The following FSTL4 variants were observed in gnomAD, a reference collection of about 807,000 sequenced individuals.
FSTL4 encodes the protein follistatin-related protein 4.
FSTL4 carries 28 observed loss-of-function variants against 78.2 expected under a neutral mutation model. The observed-to-expected ratio is 0.36, with a 90% CI of 0.27 to 0.49. The LOEUF (loss-of-function observed/expected upper bound fraction) is 0.49. Ranked by LOEUF, FSTL4 falls within the 20% of genes least tolerant of loss-of-function variation. The pLI is 0.98. For synonymous variants in FSTL4, 422 were observed against 440.5 expected (o/e 0.96, Z 0.53); for missense variants, 922 against 1,084.9 (o/e 0.85, Z 2.11).
At chr5:133,398,964 G>C (rs896765098) in intron 4 of FSTL4, among the ~76,000 whole-genome samples, 38 of 152,318 alleles carry the variant, frequency 2.5e-4, no homozygotes, top group African/African-American at 8.7e-4. Flanking sequence ...GCAGAACTGA[G>C]CCCTGATCTG....
At chr5:133,508,910 T>A (rs1399714908) in intron 3 of FSTL4, among the ~76,000 whole-genome samples, 1 of 152,198 alleles carries the variant, frequency 6.6e-6, no homozygotes, top group Non-Finnish European at 1.5e-5. Context: ...ATAAGGTAAG[T>A]GCTGATCTTG....
chr5:133,824,807 T>C, the FSTL4 span, among the ~76,000 whole-genome samples: 134,528 of 152,102 alleles, frequency 0.88, 59,704 homozygotes, highest in Middle Eastern at 0.94. Flanking sequence ...AACCACCACA[T>C]ACCATGTCCA....
chr5:133,210,039 G>A, intron 14 of FSTL4, 152 bp downstream of exon 14: 2 of 557,422 alleles, frequency 3.6e-6, no homozygotes, highest in South Asian at 2.4e-5. Flanking sequence ...GCATTGGCCT[G>A]AGGCTGTTTC....
the FSTL4 span, among the ~76,000 whole-genome samples, chr5:133,698,820 TACA>T: frequency 2.7e-3 from 414 of 152,326 alleles, 1 homozygote; most frequent in Non-Finnish European, 3.4e-3. Context: ...AGCTACAAAA[TACA>T]ACGAGACCTC....
At chr5:133,814,406 G>A in the FSTL4 span, among the ~76,000 whole-genome samples, 1 of 152,182 alleles carries the variant, frequency 6.6e-6, no homozygotes, top group South Asian at 2.1e-4. Flanking sequence ...GCTGGAGGGT[G>A]TTGGTGGATA....
At chr5:133,589,458 G>C (rs1206228032) in intron 2 of FSTL4, among the ~76,000 whole-genome samples, 1 of 152,018 alleles carries the variant, frequency 6.6e-6, no homozygotes, top group African/African-American at 2.4e-5. Context: ...TCCCATGTGA[G>C]GGCAGTAGCT....
chr5:133,294,629 C>T (rs1026367511), intron 6 of FSTL4, among the ~76,000 whole-genome samples: 1 of 152,200 alleles, frequency 6.6e-6, no homozygotes, highest in Admixed American at 6.5e-5. Flanking sequence ...CTCCACCTTA[C>T]AGGTGGCCAT....
rs781155193 is a variant in FSTL4 at position 133,348,836 on chromosome 5, C to T, written c.410-32184G>A. Among the ~76,000 whole-genome samples the T allele has an allele frequency of 1.8e-4, 27 of 152,222 alleles. 1 individual carries two copies. The highest frequency in any genetic ancestry group is 6.8e-3 in the Middle Eastern group (2 of 294). The stretch of plus-strand genomic sequence containing the variant: ...TGTGAGGATTAAGTGAGATGGTGTA[C>T]GGAAAGTCCCCAGCATGGAGCCTGG... On this transcript the variant is annotated intron_variant, in intron 4 of 15. Coordinates refer to ENST00000265342, the MANE Select transcript of FSTL4 (RefSeq NM_015082.2).
the FSTL4 span, among the ~76,000 whole-genome samples, chr5:133,642,172 G>A: frequency 6.6e-6 from 1 of 152,110 alleles, no homozygotes; most frequent in African/African-American, 2.4e-5. Context: ...AGAGGGGCAG[G>A]GTTTTTCTGG....
intron 3 of FSTL4, 141 bp downstream of exon 3, chr5:133,567,045 T>G: frequency 1.4e-6 from 1 of 696,826 alleles, no homozygotes; most frequent in Non-Finnish European, 2.6e-6. Flanking sequence ...AGACAAGTGC[T>G]AAGCAGTCAG....
intron 6 of FSTL4, among the ~76,000 whole-genome samples, chr5:133,295,647 C>A (rs540913562): frequency 4.6e-5 from 7 of 152,126 alleles, no homozygotes; most frequent in Non-Finnish European, 1.0e-4. Flanking sequence ...CCTTTCAAGC[C>A]GAAGACCTCC....
chr5:133,299,200 G>C (rs1484995413), intron 6 of FSTL4, among the ~76,000 whole-genome samples: 3 of 152,174 alleles, frequency 2.0e-5, no homozygotes, highest in African/African-American at 7.2e-5. Flanking sequence ...CATAGGCTTG[G>C]GCTGAGTCCG....
the FSTL4 span, among the ~76,000 whole-genome samples, chr5:133,835,034 A>G: frequency 6.6e-6 from 1 of 152,206 alleles, no homozygotes; most frequent in African/African-American, 2.4e-5. Flanking sequence ...TGAATTAAGA[A>G]AGATCCAGAT....
chr5:133,703,385 G>A, the FSTL4 span, among the ~76,000 whole-genome samples: 3 of 152,068 alleles, frequency 2.0e-5, no homozygotes, highest in African/African-American at 4.8e-5. Flanking sequence ...AGCCAGGGTC[G>A]GCTCCTCCCA....
At chr5:133,224,427 T>G (rs565602636) in intron 10 of FSTL4, 2 of 424,116 alleles carry the variant, frequency 4.7e-6, no homozygotes, top group Non-Finnish European at 8.5e-6. Context: ...TCCAGACCCT[T>G]TGATTCTTAA....
At position 133,602,673 on chromosome 5, in the gene FSTL4, G is replaced by C. The variant is rs544732995; in HGVS notation, c.126+1185C>G. ...CCAGCCTCCAGACTCTTTCAAAAGA[G>C]CATTAAATTGCGTCCTTCATGGATT... is the stretch of plus-strand genomic sequence containing the variant. On this transcript the variant is annotated intron_variant, in intron 2 of 15. Transcript: ENST00000265342. Among the ~76,000 whole-genome samples the C allele has an allele frequency of 2.0e-5, 3 of 152,282 alleles. No individual in the cohort carries two copies. The South Asian group carries it at 6.2e-4, about 32-fold the overall frequency.
At chr5:133,769,704 T>TA in the FSTL4 span, among the ~76,000 whole-genome samples, 2 of 152,214 alleles carry the variant, frequency 1.3e-5, no homozygotes, top group African/African-American at 2.4e-5. Flanking sequence ...CTAATTCTTT[T>TA]TAAAAAATCT....
At chr5:133,456,404 A>G (rs1757490289) in intron 3 of FSTL4, among the ~76,000 whole-genome samples, 3 of 152,168 alleles carry the variant, frequency 2.0e-5, no homozygotes, top group Admixed American at 2.0e-4. Context: ...TCTGGGTTAC[A>G]CACTTGGCTA....
the FSTL4 span, among the ~76,000 whole-genome samples, chr5:133,620,002 A>G: frequency 6.6e-6 from 1 of 152,330 alleles, no homozygotes; most frequent in African/African-American, 2.4e-5. Context: ...ATCATTTAAC[A>G]AGTATATAAT....
Sources: gnomAD v4.1 joint callset for allele counts (sites outside exome capture counted in the v4.1 genomes callset) on GRCh38, gnomAD v4.1.1 for gene constraint, MANE v1.5 for transcripts, NCBI Gene and HGNC (gene_info 2026-07-23, HGNC 2026-07-21) for gene names.